The following ECT2L variants were observed in gnomAD, a reference collection of about 807,000 sequenced individuals.
ECT2L encodes epithelial cell-transforming sequence 2 oncogene-like.
ECT2L carries 126 observed loss-of-function variants against 122.8 expected under a neutral mutation model. The observed-to-expected ratio is 1.03, with a 90% CI of 0.89 to 1.19. The LOEUF is 1.19. ECT2L is among the 50% of genes most tolerant of loss of function. ECT2L has a pLI of 0.00. For synonymous variants in ECT2L, 385 were observed against 381.8 expected (o/e 1.01, Z -0.10); for missense variants, 1,012 against 1,064.1 (o/e 0.95, Z 0.68).
intron 13 of ECT2L, among the ~76,000 whole-genome samples, chr6:138,870,024 G>A (rs7775318): frequency 0.035 from 5,398 of 152,252 alleles, 323 homozygotes; most frequent in African/African-American, 0.12. Context: ...GTACTGACTT[G>A]AATTGAGCAC....
chr6:138,880,537 C>T (rs1471095554), intron 14 of ECT2L, among the ~76,000 whole-genome samples: 2 of 152,122 alleles, frequency 1.3e-5, no homozygotes, highest in African/African-American at 4.8e-5. Context: ...TAAAACACTA[C>T]TTGGAAAAAG....
rs1325136352 is a variant in ECT2L, at chr6:138,903,265, G to A, written c.*638G>A. 1 of 151,980 alleles carries A rather than the reference G, an allele frequency of 6.6e-6. No homozygotes were observed. Among genetic ancestry groups the A allele is most frequent in the Non-Finnish European group, 1.5e-5 (1 of 68,062 alleles). 9.4% of individuals were successfully genotyped at this position (151,980 alleles called of 1,614,324 possible). The stretch of plus-strand genomic sequence containing the variant: ...CCTGCTACTTGCGACGCTGAGGCAG[G>A]AGAAGAATCACTTGTACCCGGGAGT... On this transcript the variant is annotated 3_prime_UTR_variant, in exon 22 of 22. Transcript: ENST00000541398.
chr6:138,889,470 T>C (rs1188836), intron 20 of ECT2L, among the ~76,000 whole-genome samples: 129,112 of 152,108 alleles, frequency 0.85, 55,216 homozygotes, highest in African/African-American at 0.95. Flanking sequence ...CAGGCACCCG[T>C]CACCATGCCC....
intron 4 of ECT2L, among the ~76,000 whole-genome samples, chr6:138,815,370 T>C (rs939931749): frequency 5.3e-5 from 8 of 152,198 alleles, no homozygotes; most frequent in African/African-American, 1.7e-4. Flanking sequence ...ATTCAAGATA[T>C]GTGTGGACTG....
chr6:138,864,173 A>T (rs1190697056), intron 11 of ECT2L, among the ~76,000 whole-genome samples: 2 of 151,572 alleles, frequency 1.3e-5, no homozygotes, highest in Admixed American at 1.3e-4. Flanking sequence ...ATACAAAAAT[A>T]AGCTGGGCAG....
At chr6:138,841,238 A>G (rs995989488) in intron 5 of ECT2L, among the ~76,000 whole-genome samples, 2 of 152,242 alleles carry the variant, frequency 1.3e-5, no homozygotes, top group Non-Finnish European at 2.9e-5. Context: ...TATAGTTATT[A>G]AAAACCAAAA....
chr6:138,856,424 A>G (rs1312533393), intron 10 of ECT2L, among the ~76,000 whole-genome samples: 1 of 151,984 alleles, frequency 6.6e-6, no homozygotes, highest in Non-Finnish European at 1.5e-5. Flanking sequence ...CATATTGGCC[A>G]GGCTGGTCTA....
chr6:138,841,807 ATTGT>A (rs1404231847), intron 5 of ECT2L, among the ~76,000 whole-genome samples: 1 of 152,208 alleles, frequency 6.6e-6, no homozygotes. Flanking sequence ...CCTTCAAATA[ATTGT>A]TTGTATAATA....
chr6:138,814,353 T>C (rs1775999610), intron 3 of ECT2L, 138 bp from the exon 4 acceptor site: 2 of 458,348 alleles, frequency 4.4e-6, no homozygotes, highest in Non-Finnish European at 3.8e-6. Flanking sequence ...TCTCTCTATA[T>C]GTGAAAGCGC....
At chr6:138,797,486 C>A (rs1393696315) in intron 1 of ECT2L, among the ~76,000 whole-genome samples, 2 of 152,194 alleles carry the variant, frequency 1.3e-5, no homozygotes, top group African/African-American at 4.8e-5. Context: ...ACCAGACTAA[C>A]TTGCATTTCT....
chr6:138,850,336 G>C (rs1474638816), intron 9 of ECT2L, among the ~76,000 whole-genome samples: 2 of 151,938 alleles, frequency 1.3e-5, no homozygotes, highest in Admixed American at 6.6e-5. Context: ...GTAGAGACAG[G>C]GTTCCACTAT....
chr6:138,838,280 C>T, intron 4 of ECT2L, 72 bp from the exon 5 acceptor site: 1 of 1,282,224 alleles, frequency 7.8e-7, no homozygotes, highest in Non-Finnish European at 1.1e-6. Flanking sequence ...AGATCAATGA[C>T]CAATATTTAT....
In ECT2L at chr6:138,858,872, A is replaced by AT. The variant is rs1347507880; in HGVS notation, c.1199-3746dup. ...AGGCACACAACACCATGCTTGGCTAATTTTTTTTTATTTTTAGTAGAGACA... is the reference window on the plus strand; with the variant it reads ...AGGCACACAACACCATGCTTGGCTAATTTTTTTTTTATTTTTAGTAGAGACA... On this transcript the variant is annotated intron_variant, in intron 10 of 21. Transcript: ENST00000541398. Among the ~76,000 whole-genome samples, 259 of 150,332 alleles carry AT rather than the reference A, an allele frequency of 1.7e-3. 1 individual carries two copies. The highest frequency in any genetic ancestry group is 5.6e-3 in the African/African-American group (231 of 41,010).
intron 1 of ECT2L, among the ~76,000 whole-genome samples, chr6:138,811,741 G>A (rs187149688): frequency 3.9e-5 from 6 of 152,206 alleles, no homozygotes; most frequent in East Asian, 3.9e-4. Flanking sequence ...GTGCAGTGGC[G>A]CGATCATGGC....
In ECT2L at chr6:138,862,617, G is replaced by A; in HGVS notation, c.1199-10G>A. The stretch of plus-strand genomic sequence containing the variant: ...TGAGGAAACTAACGAAAGTGTTTTT[G>A]ACTATGCAGAGGCAGGAATTGAAGT... On this transcript the variant is annotated splice_polypyrimidine_tract_variant and intron_variant, in intron 10 of 21. Transcript: ENST00000541398. 1 of 1,613,150 alleles carries A rather than the reference G, an allele frequency of 6.2e-7. No homozygotes were observed. The highest frequency in any genetic ancestry group is 8.5e-7 in the Non-Finnish European group (1 of 1,179,300).
chr6:138,863,623 T>A (rs2128399532), intron 11 of ECT2L, among the ~76,000 whole-genome samples: 1 of 151,826 alleles, frequency 6.6e-6, no homozygotes, highest in East Asian at 1.9e-4. Flanking sequence ...TTCTTTTTTT[T>A]TTTTTGAGAC....
rs757570726 is a variant in ECT2L at position 138,843,114 on chromosome 6, G to C, written c.478G>C (p.Ala160Pro). Reference protein sequence around the residue: ...SHLDWLTPREAAATYGTLNEP... With the variant: ...SHLDWLTPREPAATYGTLNEP... ...CTTAGACTGGCTGACACCTAGGGAG[G>C]CTGCTGCTACTTATGGGACGCTGAA... is the stretch of plus-strand genomic sequence containing the variant. Residue 160 changes from alanine (A) to proline (P), a missense_variant, in exon 6 of 22, where the codon GCT (alanine) becomes CCT (proline). Ala to Pro is a conservative substitution (Grantham distance 27, BLOSUM62 -1). Transcript: ENST00000541398. 1 of 1,614,116 alleles carries C rather than the reference G, an allele frequency of 6.2e-7. No individual in the cohort carries two copies. Among genetic ancestry groups the C allele is most frequent in the Non-Finnish European group, 8.5e-7 (1 of 1,179,972 alleles).
At chr6:138,802,788 T>A (rs1178771902) in intron 1 of ECT2L, among the ~76,000 whole-genome samples, 1 of 152,054 alleles carries the variant, frequency 6.6e-6, no homozygotes, top group African/African-American at 2.4e-5. Context: ...CAAAATAATA[T>A]GAGGCAGGCA....
intron 1 of ECT2L, among the ~76,000 whole-genome samples, chr6:138,803,432 G>A (rs1386254303): frequency 6.6e-6 from 1 of 152,062 alleles, no homozygotes; most frequent in African/African-American, 2.4e-5. Flanking sequence ...ATATAACTCA[G>A]TAATCCCTTA....
Sources: allele counts gnomAD v4.1 joint callset (sites outside exome capture counted in the v4.1 genomes callset), GRCh38; gene constraint gnomAD v4.1.1; transcripts MANE v1.5; gene names NCBI Gene and HGNC (gene_info 2026-07-23, HGNC 2026-07-21).